CEP112: variants seen among roughly 807,000 people sequenced by gnomAD.
CEP112 encodes the protein centrosomal protein of 112 kDa.
Under a neutral mutation model 153.0 loss-of-function variants are expected in CEP112, and 127 were observed. The observed-to-expected ratio is 0.83, with a 90% CI of 0.72 to 0.96. The LOEUF (loss-of-function observed/expected upper bound fraction) is 0.96. Ranked by LOEUF, CEP112 falls within the 40% of genes least tolerant of loss-of-function variation. The pLI is 0.00. For synonymous variants in CEP112, 358 were observed against 374.4 expected (o/e 0.96, Z 0.51); for missense variants, 1,089 against 1,101.2 (o/e 0.99, Z 0.16).
chr17:65,680,899 G>C (rs905989440), intron 24 of CEP112, among the ~76,000 whole-genome samples: 5 of 152,258 alleles, frequency 3.3e-5, no homozygotes, highest in Admixed American at 2.0e-4. Flanking sequence ...GATCTTGTGA[G>C]AACTCACTAA....
chr17:65,870,421 A>C (rs2058634873), intron 20 of CEP112, among the ~76,000 whole-genome samples: 1 of 152,226 alleles, frequency 6.6e-6, no homozygotes, highest in Non-Finnish European at 1.5e-5. Context: ...TCTATTTTGG[A>C]AAATTGCAAA....
intron 23 of CEP112, among the ~76,000 whole-genome samples, chr17:65,704,883 A>G (rs1242897719): frequency 6.6e-6 from 1 of 152,358 alleles, no homozygotes; most frequent in East Asian, 1.9e-4. Flanking sequence ...AGGATTTACA[A>G]AGATCCTGTT....
chr17:65,709,261 T>C (rs1054447054), intron 23 of CEP112, among the ~76,000 whole-genome samples: 12 of 152,250 alleles, frequency 7.9e-5, no homozygotes, highest in African/African-American at 2.7e-4. Flanking sequence ...TTGCAATATA[T>C]ATGTTACAAC....
intron 20 of CEP112, among the ~76,000 whole-genome samples, chr17:65,870,611 C>G (rs1482048281): frequency 1.3e-5 from 2 of 152,168 alleles, no homozygotes; most frequent in Admixed American, 6.5e-5. Context: ...TCAAATTGCA[C>G]TTTTAATAAC....
At position 66,034,970 on chromosome 17, in the gene CEP112, T is replaced by TGTGTGTGTGTGTGTGTGTG. The variant is rs1568411071; in HGVS notation, c.1219-4948_1219-4947insCACACACACACACACACAC. 3.4e-4 allele frequency among the ~76,000 whole-genome samples: 33 copies of TGTGTGTGTGTGTGTGTGTG among 96,706 alleles called. 2 individuals carry two copies. In the East Asian group the frequency reaches 6.8e-3, roughly 20 times the overall value. The allele number at this position is 96,706 out of a possible 152,430, so 63.4% of individuals were successfully genotyped here. On this transcript the variant is annotated intron_variant, in intron 12 of 26. Coordinates refer to ENST00000535342, the MANE Select transcript of CEP112 (RefSeq NM_001199165.4). Reference sequence around the variant, plus strand: ...TGTGCCACCATGCCCAGCTAAGTTTTTGCATGTATATATATATATATACAT... The same window carrying TGTGTGTGTGTGTGTGTGTG: ...TGTGCCACCATGCCCAGCTAAGTTTTGTGTGTGTGTGTGTGTGTGTGCATGTATATATATATATATACAT...
chr17:65,983,555 G>A (rs1344352538), intron 17 of CEP112, among the ~76,000 whole-genome samples: 1 of 152,016 alleles, frequency 6.6e-6, no homozygotes, highest in Non-Finnish European at 1.5e-5. Flanking sequence ...CACTCTATTG[G>A]TTCATGCCAG....
chr17:66,184,355 G>T (rs1205450139), intron 1 of CEP112, among the ~76,000 whole-genome samples: 2 of 152,070 alleles, frequency 1.3e-5, no homozygotes, highest in African/African-American at 4.8e-5. Context: ...CCACAGACCA[G>T]AACAAAATAT....
chr17:65,648,396 T>C (rs1219660243), intron 24 of CEP112, among the ~76,000 whole-genome samples: 4 of 152,224 alleles, frequency 2.6e-5, no homozygotes, highest in Non-Finnish European at 5.9e-5. Context: ...ATGGTGCCCA[T>C]GTGACTAAAG....
intron 2 of CEP112, among the ~76,000 whole-genome samples, chr17:66,180,001 T>A (rs1179421972): frequency 6.6e-6 from 1 of 152,188 alleles, no homozygotes; most frequent in Non-Finnish European, 1.5e-5. Flanking sequence ...TTGATTTGCA[T>A]CTGTTGAACC....
intron 21 of CEP112, among the ~76,000 whole-genome samples, chr17:65,828,326 C>CA (rs2056928792): frequency 6.6e-6 from 1 of 152,220 alleles, no homozygotes; most frequent in Admixed American, 6.5e-5. Context: ...AGTAAAATGT[C>CA]AGAATGATAT....
At chr17:65,751,902 ACAGGTG>A (rs1271059555) in intron 21 of CEP112, among the ~76,000 whole-genome samples, 1 of 152,120 alleles carries the variant, frequency 6.6e-6, no homozygotes, top group African/African-American at 2.4e-5. Flanking sequence ...GCTGCAGAGC[ACAGGTG>A]CTCCACCAGT....
At chr17:65,927,730 C>T (rs773881765) in intron 18 of CEP112, 41 bp from the exon 19 acceptor site, 8 of 1,247,092 alleles carry the variant, frequency 6.4e-6, no homozygotes, top group Non-Finnish European at 8.8e-6. Context: ...TTTAAACAAA[C>T]AATTGTGTTC....
chr17:65,820,519 T>C (rs2056478637), intron 21 of CEP112, among the ~76,000 whole-genome samples: 1 of 152,136 alleles, frequency 6.6e-6, no homozygotes, highest in Admixed American at 6.6e-5. Flanking sequence ...CATTCACTCA[T>C]AAATTATTTA....
intron 24 of CEP112, among the ~76,000 whole-genome samples, chr17:65,647,177 T>TTTG (rs2045481136): frequency 6.7e-6 from 1 of 150,322 alleles, no homozygotes; most frequent in Non-Finnish European, 1.5e-5. Context: ...ATTCTTGTTT[T>TTTG]TTTTTTTTTT....
intron 19 of CEP112, among the ~76,000 whole-genome samples, chr17:65,903,948 T>C (rs1239439453): frequency 3.9e-5 from 6 of 152,210 alleles, no homozygotes; most frequent in Non-Finnish European, 8.8e-5. Context: ...AAACTAGGTA[T>C]TGATGGAATG....
chr17:66,083,928 G>T (rs866663578), intron 8 of CEP112, among the ~76,000 whole-genome samples: 19 of 152,046 alleles, frequency 1.2e-4, no homozygotes, highest in African/African-American at 3.9e-4. Flanking sequence ...CTCTGAAAGA[G>T]ATCTAATATT....
intron 21 of CEP112, among the ~76,000 whole-genome samples, chr17:65,775,976 T>C (rs978939455): frequency 3.3e-5 from 5 of 152,320 alleles, no homozygotes; most frequent in African/African-American, 9.6e-5. Context: ...GAACACACTT[T>C]CGTAATCAAC....
chr17:65,790,704 T>A (rs776368651), intron 21 of CEP112, among the ~76,000 whole-genome samples: 5 of 152,164 alleles, frequency 3.3e-5, no homozygotes, highest in Non-Finnish European at 7.3e-5. Context: ...TTCACAGTGA[T>A]GCTCTAACAT....
intron 24 of CEP112, among the ~76,000 whole-genome samples, chr17:65,684,452 G>C (rs1567860079): frequency 6.6e-6 from 1 of 152,154 alleles, no homozygotes; most frequent in Non-Finnish European, 1.5e-5. Context: ...CCACAGATTG[G>C]TATGTTAGAA....
Sources: allele counts gnomAD v4.1 joint callset (sites outside exome capture counted in the v4.1 genomes callset), GRCh38; gene constraint gnomAD v4.1.1; transcripts MANE v1.5; gene names NCBI Gene and HGNC (gene_info 2026-07-23, HGNC 2026-07-21).